The following SORCS2 variants were observed in gnomAD, a reference collection of about 807,000 sequenced individuals.
The protein encoded by SORCS2 is sortilin related VPS10 domain containing receptor 2.
SORCS2 carries 100 observed loss-of-function variants against 141.6 expected under a neutral mutation model. The observed-to-expected ratio is 0.71, with a 90% CI of 0.60 to 0.83. SORCS2 has a LOEUF of 0.83. Among genes scored for constraint, SORCS2 ranks in the 40% least tolerant of loss-of-function variants. SORCS2 has a pLI of 0.00. For synonymous variants in SORCS2, 789 were observed against 676.9 expected, an observed-to-expected ratio of 1.17 and a Z score of -2.57; for missense variants, 1,646 against 1,560.2, an observed-to-expected ratio of 1.05 and a Z score of -0.93.
intron 12 of SORCS2, among the ~76,000 whole-genome samples, chr4:7,697,926 C>T (rs527251906): frequency 6.6e-6 from 1 of 152,332 alleles, no homozygotes; most frequent in South Asian, 2.1e-4. Flanking sequence ...CAGGGTCCCT[C>T]TGTGCTCCAT....
At chr4:7,338,078 T>G (rs368212498) in intron 1 of SORCS2, among the ~76,000 whole-genome samples, 17 of 146,438 alleles carry the variant, frequency 1.2e-4, no homozygotes, top group African/African-American at 3.1e-4. Context: ...TAGAAGATGT[T>G]GGCTGGCTGG....
intron 1 of SORCS2, among the ~76,000 whole-genome samples, chr4:7,382,215 G>A (rs1723034269): frequency 6.6e-6 from 1 of 152,150 alleles, no homozygotes. Flanking sequence ...GGGGAGCAAT[G>A]GGGGTCTTGG....
chr4:7,516,237 C>A (rs571398202), intron 2 of SORCS2, among the ~76,000 whole-genome samples: 1 of 152,208 alleles, frequency 6.6e-6, no homozygotes, highest in African/African-American at 2.4e-5. Flanking sequence ...ATGAGACAGG[C>A]GTCACAGGTC....
chr4:7,441,406 C>T (rs1727656143), intron 2 of SORCS2, among the ~76,000 whole-genome samples: 1 of 152,162 alleles, frequency 6.6e-6, no homozygotes, highest in South Asian at 2.1e-4. Context: ...TGGGGACAGC[C>T]TGATGAGCTG....
intron 1 of SORCS2, among the ~76,000 whole-genome samples, chr4:7,302,921 A>T (rs1209262441): frequency 6.6e-6 from 1 of 152,144 alleles, no homozygotes; most frequent in Admixed American, 6.5e-5. Context: ...CCCTGATCAC[A>T]CATTCGTAAT....
intron 1 of SORCS2, among the ~76,000 whole-genome samples, chr4:7,372,520 C>G (rs543910006): frequency 4.7e-4 from 72 of 152,330 alleles, no homozygotes; most frequent in African/African-American, 1.6e-3. Context: ...GTTGGCCAGG[C>G]TGATCTTGAA....
At chr4:7,347,592 C>G (rs1006969510) in intron 1 of SORCS2, among the ~76,000 whole-genome samples, 8 of 152,210 alleles carry the variant, frequency 5.3e-5, no homozygotes, top group Admixed American at 5.2e-4. Context: ...AGCTGAAAAA[C>G]TCACCTGAGT....
At chr4:7,591,975 C>T (rs950480859) in intron 3 of SORCS2, among the ~76,000 whole-genome samples, 1 of 152,130 alleles carries the variant, frequency 6.6e-6, no homozygotes, top group African/African-American at 2.4e-5. Context: ...AACAGAAAAT[C>T]CCAGCAGGTT....
chr4:7,735,140 C>T (rs753970823), intron 25 of SORCS2, among the ~76,000 whole-genome samples: 1 of 152,246 alleles, frequency 6.6e-6, no homozygotes, highest in Non-Finnish European at 1.5e-5. Context: ...GACTCCTTCC[C>T]TGCAAACGCA....
chr4:7,679,155 G>A (rs1723351720), intron 9 of SORCS2, among the ~76,000 whole-genome samples: 1 of 152,170 alleles, frequency 6.6e-6, no homozygotes, highest in Non-Finnish European at 1.5e-5. Context: ...ACAGACGGCA[G>A]AGCCAGGTAC....
chr4:7,557,784 T>A (rs1194101001), intron 3 of SORCS2, among the ~76,000 whole-genome samples: 1 of 152,190 alleles, frequency 6.6e-6, no homozygotes, highest in African/African-American at 2.4e-5. Flanking sequence ...CCTGCCCCGA[T>A]GTGATGCCTT....
intron 1 of SORCS2, among the ~76,000 whole-genome samples, chr4:7,316,141 C>G (rs1246307210): frequency 6.6e-6 from 1 of 151,726 alleles, no homozygotes; most frequent in East Asian, 1.9e-4. Context: ...ATCTATTCAT[C>G]CATCCATTCA....
chr4:7,674,611 C>A (rs1722998445), intron 8 of SORCS2, among the ~76,000 whole-genome samples: 1 of 147,794 alleles, frequency 6.8e-6, no homozygotes, highest in South Asian at 2.2e-4. Flanking sequence ...AAAAAGCAAC[C>A]CTCTCCTTTT....
At chr4:7,285,472 T>C (rs1716153215) in intron 1 of SORCS2, among the ~76,000 whole-genome samples, 1 of 152,238 alleles carries the variant, frequency 6.6e-6, no homozygotes, top group Non-Finnish European at 1.5e-5. Context: ...CTGTTCACTA[T>C]CTCATGCCCC....
At chr4:7,284,810 C>T (rs1716100261) in intron 1 of SORCS2, among the ~76,000 whole-genome samples, 1 of 152,152 alleles carries the variant, frequency 6.6e-6, no homozygotes, top group African/African-American at 2.4e-5. Flanking sequence ...GTCTAAAATT[C>T]AGGGGTCCAC....
intron 2 of SORCS2, among the ~76,000 whole-genome samples, chr4:7,470,629 G>A (rs554409417): frequency 3.3e-5 from 5 of 149,630 alleles, no homozygotes; most frequent in Admixed American, 2.6e-4. Context: ...TGGTCTGGGC[G>A]AGGATTGGAG....
intron 3 of SORCS2, among the ~76,000 whole-genome samples, chr4:7,583,433 G>C (rs1163636204): frequency 2.6e-5 from 4 of 152,140 alleles, no homozygotes; most frequent in Non-Finnish European, 5.9e-5. Context: ...TAATAATAAA[G>C]TAGGCCTCCC....
chr4:7,226,335 T>G (rs1225622463), intron 1 of SORCS2, among the ~76,000 whole-genome samples: 1 of 152,184 alleles, frequency 6.6e-6, no homozygotes, highest in East Asian at 1.9e-4. Context: ...AACCTGGGCC[T>G]GTCTGACCTC....
chr4:7,395,711 G>C (rs7668017), intron 1 of SORCS2, among the ~76,000 whole-genome samples: 62,978 of 152,016 alleles, frequency 0.41, 13,364 homozygotes, highest in African/African-American at 0.52. Flanking sequence ...TCAACAACAA[G>C]AAAAACGTGT....
Sources: gnomAD v4.1 joint callset for allele counts (sites outside exome capture counted in the v4.1 genomes callset) on GRCh38, gnomAD v4.1.1 for gene constraint, MANE v1.5 for transcripts, NCBI Gene and HGNC (gene_info 2026-07-23, HGNC 2026-07-21) for gene names.